PLEKHA5: variants seen among roughly 807,000 people sequenced by gnomAD.
PLEKHA5 encodes the protein pleckstrin homology domain containing A5.
Under a neutral mutation model 181.9 loss-of-function variants are expected in PLEKHA5, and 55 were observed. The observed-to-expected ratio is 0.30, with a 90% CI of 0.24 to 0.38. PLEKHA5 has a LOEUF of 0.38. PLEKHA5 is among the 10% of genes least tolerant of loss of function. PLEKHA5 has a pLI of 1.00. For missense variants in PLEKHA5, 1,432 were observed against 1,549.5 expected, an observed-to-expected ratio of 0.92 and a Z score of 1.27; for synonymous variants, 535 against 529.4, an observed-to-expected ratio of 1.01 and a Z score of -0.15.
chr12:19,286,732 G>A (rs1333497716), intron 12 of PLEKHA5, among the ~76,000 whole-genome samples: 8 of 152,130 alleles, frequency 5.3e-5, no homozygotes, highest in East Asian at 3.9e-4. Context: ...TTGGGAGGCC[G>A]AGGTAGGTGG....
chr12:19,173,190 A>ATTTTTTTT (rs2046395549), intron 3 of PLEKHA5, among the ~76,000 whole-genome samples: 1 of 144,794 alleles, frequency 6.9e-6, no homozygotes, highest in Non-Finnish European at 1.5e-5. Context: ...CGCCCGGCTA[A>ATTTTTTTT]TTTTTTGTAT....
chr12:19,322,180 T>A (rs964463082), intron 18 of PLEKHA5, 130 bp from the exon 19 acceptor site: 1 of 621,950 alleles, frequency 1.6e-6, no homozygotes, highest in East Asian at 2.7e-5. Context: ...TTTTAAGGAT[T>A]CTATCTTTGT....
chr12:19,212,574 C>T (rs772304403), intron 3 of PLEKHA5, among the ~76,000 whole-genome samples: 9 of 151,366 alleles, frequency 5.9e-5, no homozygotes, highest in African/African-American at 1.5e-4. Flanking sequence ...CCAGCTACTC[C>T]GGAGGCGGAG....
intron 30 of PLEKHA5, among the ~76,000 whole-genome samples, chr12:19,368,169 C>T (rs982906540): frequency 6.6e-6 from 1 of 152,108 alleles, no homozygotes; most frequent in Non-Finnish European, 1.5e-5. Context: ...ATACTAAGCA[C>T]TGCCTTTTCC....
At chr12:19,287,430 A>T in intron 12 of PLEKHA5, 43 bp from the exon 13 acceptor site, 1 of 1,238,444 alleles carries the variant, frequency 8.1e-7, no homozygotes, top group Non-Finnish European at 1.2e-6. Context: ...ATAAGAAAAA[A>T]AAAACTTTAC....
intron 15 of PLEKHA5, among the ~76,000 whole-genome samples, chr12:19,300,935 G>A (rs2081298900): frequency 7.0e-6 from 1 of 142,844 alleles, no homozygotes; most frequent in Non-Finnish European, 1.5e-5. Context: ...GGGAGTTCAA[G>A]ACCAGCCTGA....
At chr12:19,257,168 G>T (rs930102851) in intron 5 of PLEKHA5, among the ~76,000 whole-genome samples, 3 of 152,028 alleles carry the variant, frequency 2.0e-5, no homozygotes, top group African/African-American at 7.2e-5. Context: ...CATACTCTGT[G>T]TTTCTAAAAA....
At chr12:19,246,465 A>T (rs2063771476) in intron 3 of PLEKHA5, among the ~76,000 whole-genome samples, 1 of 151,866 alleles carries the variant, frequency 6.6e-6, no homozygotes, top group Admixed American at 6.6e-5. Flanking sequence ...TCTACTAAAA[A>T]TACAAAAATT....
chr12:19,315,268 C>T (rs1159310973), intron 16 of PLEKHA5, among the ~76,000 whole-genome samples: 2 of 152,030 alleles, frequency 1.3e-5, no homozygotes, highest in African/African-American at 4.8e-5. Context: ...AAAATATTTA[C>T]TTTCAGGGGT....
At chr12:19,250,543 A>G (rs1362510522) in intron 3 of PLEKHA5, among the ~76,000 whole-genome samples, 5 of 152,140 alleles carry the variant, frequency 3.3e-5, no homozygotes, top group African/African-American at 4.8e-5. Flanking sequence ...AGATTGTGCC[A>G]TTGCACTCCA....
At chr12:19,166,225 C>T (rs112375144) in intron 3 of PLEKHA5, among the ~76,000 whole-genome samples, 5,987 of 152,134 alleles carry the variant, frequency 0.039, 171 homozygotes, top group Middle Eastern at 0.071. Flanking sequence ...TAAATTAGAG[C>T]AGGGTTGAAG....
chr12:19,223,900 T>A (rs185225457), intron 3 of PLEKHA5, among the ~76,000 whole-genome samples: 4 of 152,268 alleles, frequency 2.6e-5, no homozygotes, highest in Admixed American at 2.6e-4. Context: ...GTTTCTTATT[T>A]ATGTAAAGAC....
intron 3 of PLEKHA5, among the ~76,000 whole-genome samples, chr12:19,232,833 A>G (rs898130099): frequency 8.5e-5 from 13 of 152,194 alleles, no homozygotes; most frequent in African/African-American, 3.1e-4. Flanking sequence ...CTATTATGTC[A>G]GTATCAAATG....
intron 6 of PLEKHA5, among the ~76,000 whole-genome samples, chr12:19,260,172 T>C (rs750892573): frequency 6.6e-6 from 1 of 152,236 alleles, no homozygotes; most frequent in Non-Finnish European, 1.5e-5. Context: ...AAAAAATGTT[T>C]ATGAATTGCA....
chr12:19,255,239 A>C lies in PLEKHA5; in HGVS notation c.432+74A>C, dbSNP rs1046079444. 9.5e-5 allele frequency: 80 copies of C among 843,526 alleles called. 1 individual carries two copies. The highest frequency in any genetic ancestry group is 2.7e-5 in the Non-Finnish European group (16 of 590,478). 52.3% of individuals were successfully genotyped at this position (843,526 alleles called of 1,614,324 possible). On this transcript the variant is annotated intron_variant, in intron 5 of 31. Coordinates refer to ENST00000429027, the MANE Select transcript of PLEKHA5 (RefSeq NM_001256470.2). ...CTATACCGTTACTCATAATGGACTT[A>C]AAAGTATAGAATAATAATTACATTT...
chr12:19,153,200 G>A (rs1392239229), intron 3 of PLEKHA5: 2 of 151,974 alleles, frequency 1.3e-5, no homozygotes, highest in Admixed American at 6.6e-5. Flanking sequence ...ATCATTTCCA[G>A]GTGAAGGAAA....
chr12:19,362,824 A>G (rs369735194), intron 29 of PLEKHA5, among the ~76,000 whole-genome samples: 2 of 152,124 alleles, frequency 1.3e-5, no homozygotes, highest in South Asian at 2.1e-4. Flanking sequence ...TATAAGCTGT[A>G]GCAGAGTAAG....
chr12:19,308,345 G>C (rs1275781548), intron 15 of PLEKHA5, among the ~76,000 whole-genome samples: 1 of 152,102 alleles, frequency 6.6e-6, no homozygotes, highest in African/African-American at 2.4e-5. Flanking sequence ...GATGTATATA[G>C]CTCTGAGTTA....
chr12:19,335,628 G>T (rs1482531013), intron 20 of PLEKHA5, among the ~76,000 whole-genome samples: 5 of 133,634 alleles, frequency 3.7e-5, no homozygotes, highest in African/African-American at 1.4e-4. Context: ...ACAGGGTTTG[G>T]TTACGTTGGT....
Sources: allele counts gnomAD v4.1 joint callset (sites outside exome capture counted in the v4.1 genomes callset), GRCh38; gene constraint gnomAD v4.1.1; transcripts MANE v1.5; gene names NCBI Gene and HGNC (gene_info 2026-07-23, HGNC 2026-07-21).